Variants in CAMTA1 observed in about 807,000 individuals in gnomAD.
The protein encoded by CAMTA1 is calmodulin-binding transcription activator 1.
In CAMTA1, 27 loss-of-function variants were observed where a neutral mutation model predicts 170.9. The ratio of observed to expected loss-of-function variants is 0.16; its 90% confidence interval spans 0.12 to 0.22. The LOEUF (loss-of-function observed/expected upper bound fraction) is 0.22, where lower values mean the gene tolerates loss of function less well. Among genes scored for constraint, CAMTA1 ranks in the 10% least tolerant of loss-of-function variants. The pLI is 1.00. For synonymous variants in CAMTA1, 833 were observed against 891.5 expected (o/e 0.93, Z 1.17); for missense variants, 1,619 against 2,217.2 (o/e 0.73, Z 5.42).
intron 5 of CAMTA1, among the ~76,000 whole-genome samples, chr1:7,261,824 T>C (rs1558323658): frequency 1.3e-5 from 2 of 152,258 alleles, no homozygotes. Flanking sequence ...CGTTGTCTGA[T>C]AGCTTGAGTT....
Position 7,663,425 on chromosome 1 carries a change from G to A in CAMTA1, c.878G>A (p.Arg293Gln), listed in dbSNP as rs753954585. 7.3e-5 allele frequency: 115 copies of A among 1,566,632 alleles called. No individual in the cohort carries two copies. In the Admixed American group the frequency reaches 1.8e-3, roughly 24 times the overall value. ...ATCATCTCGCCCAAGGTGGAGCCAC[G>A]GACAGGGGGGTACGGGAGCCACTCG... ...HRIISPKVEP[R>Q]TGGYGSHSEV... The change falls in exon 9 of 23, where the codon CGG becomes CAG. Residue 293 changes from arginine to glutamine, a missense_variant. Physicochemically the swap from Arg to Gln is conservative, Grantham distance 43. This residue lies in a region of CAMTA1 where 731 missense variants were observed against 907.6 expected (regional missense o/e 0.81). Transcript: ENST00000303635.
At chr1:7,612,520 A>G (rs1184218576) in intron 6 of CAMTA1, among the ~76,000 whole-genome samples, 2 of 152,204 alleles carry the variant, frequency 1.3e-5, no homozygotes, top group Non-Finnish European at 2.9e-5. Context: ...GGGCGCAGAA[A>G]CAGGATTGCC....
In CAMTA1 at chr1:7,552,975, G is replaced by A. The variant is rs79984621; in HGVS notation, c.510+85074G>A. Among the ~76,000 whole-genome samples the A allele has an allele frequency of 3.5e-3, 533 of 152,306 alleles. 7 individuals carry two copies. The highest frequency in any genetic ancestry group is 0.012 in the African/African-American group (514 of 41,566). ...TGTGGCAAACCTTCCCCCAACAGCC[G>A]GTGAGGACAGAGGGACCTCTGGGAG... is the stretch of plus-strand genomic sequence containing the variant. On this transcript the variant is annotated intron_variant, in intron 6 of 22. Transcript: ENST00000303635.
intron 11 of CAMTA1, among the ~76,000 whole-genome samples, chr1:7,684,570 G>A (rs1490472860): frequency 2.0e-5 from 3 of 152,220 alleles, no homozygotes; most frequent in African/African-American, 7.2e-5. Flanking sequence ...TGTGGCAACA[G>A]AACCCCAGTC....
rs921094244 is a variant in CAMTA1 at position 7,562,689 on chromosome 1, C to T, written c.511-77711C>T. 3.9e-5 allele frequency among the ~76,000 whole-genome samples: 6 copies of T among 152,326 alleles called. No homozygotes were observed. Among genetic ancestry groups the T allele is most frequent in the South Asian group, 2.1e-4 (1 of 4,822 alleles). On this transcript the variant is annotated intron_variant, in intron 6 of 22. Coordinates refer to ENST00000303635, the MANE Select transcript of CAMTA1 (RefSeq NM_015215.4). This position sits in a 1 kb window ranked among gnomAD's most constrained non-coding sequence, Gnocchi z 4.8. ...ACTGCTCAGATGGTTTATCTGACCC[C>T]GCAGCTGGCACGGAGATGCTGGGAG...
rs972775911 is a variant in CAMTA1 at position 7,234,522 on chromosome 1, G to A, written c.303-14969G>A. On this transcript the variant is annotated intron_variant, in intron 4 of 22. Transcript: ENST00000303635. This position sits in a 1 kb window ranked among gnomAD's most constrained non-coding sequence, Gnocchi z 5.0. Reference sequence around the variant, plus strand: ...CAGGGCTGTGGCACCCTCAGCACCCGGCGTGAATGCTCAGCCGTGATAGCT... The same window carrying A: ...CAGGGCTGTGGCACCCTCAGCACCCAGCGTGAATGCTCAGCCGTGATAGCT... 1.3e-5 allele frequency among the ~76,000 whole-genome samples: 2 copies of A among 152,210 alleles called. No individual in the cohort carries two copies. Among genetic ancestry groups the A allele is most frequent in the East Asian group, 1.9e-4 (1 of 5,188 alleles).
intron 4 of CAMTA1, among the ~76,000 whole-genome samples, chr1:7,227,112 C>T (rs1472667623): frequency 3.3e-5 from 5 of 152,234 alleles, no homozygotes; most frequent in East Asian, 1.9e-4. Context: ...GGATTACAGG[C>T]GTGAGCCACC....
intron 3 of CAMTA1, among the ~76,000 whole-genome samples, chr1:6,948,243 G>A (rs961020109): frequency 3.3e-5 from 5 of 152,174 alleles, no homozygotes; most frequent in African/African-American, 1.2e-4. Context: ...TTGCTGCAAT[G>A]CCTTTCCCCC....
At position 7,216,473 on chromosome 1, in the gene CAMTA1, CT is replaced by C. The variant is rs35017381; in HGVS notation, c.303-33017del. ...AACACACTATTCTTAGTGTTTTCAT[CT>C]ATATTTCCTACAGTTTCTTTCTTTC... On this transcript the variant is annotated intron_variant, in intron 4 of 22. Coordinates refer to ENST00000303635, the MANE Select transcript of CAMTA1 (RefSeq NM_015215.4). The surrounding 1 kb of genome is among the most constrained non-coding windows in gnomAD (Gnocchi z 4.0). Among the ~76,000 whole-genome samples the C allele has an allele frequency of 0.48, 73,052 of 151,936 alleles. 19,152 individuals carry two copies. The highest frequency in any genetic ancestry group is 0.6 in the South Asian group (2,883 of 4,812).
chr1:6,944,297 A>G (rs1687213065), intron 3 of CAMTA1, among the ~76,000 whole-genome samples: 1 of 152,174 alleles, frequency 6.6e-6, no homozygotes, highest in African/African-American at 2.4e-5. Context: ...GTTATTGAGA[A>G]CTATGCCACT....
intron 3 of CAMTA1, among the ~76,000 whole-genome samples, chr1:6,906,952 G>A (rs971555736): frequency 6.6e-6 from 1 of 152,196 alleles, no homozygotes; most frequent in African/African-American, 2.4e-5. Flanking sequence ...GTAGAGGTGG[G>A]AGCTGTTGTC....
intron 1 of CAMTA1, among the ~76,000 whole-genome samples, chr1:6,787,476 A>G (rs936295402): frequency 2.0e-5 from 3 of 152,248 alleles, no homozygotes; most frequent in African/African-American, 4.8e-5. Context: ...TTACATATAC[A>G]TACATGTAGG....
intron 6 of CAMTA1, among the ~76,000 whole-genome samples, chr1:7,515,702 C>T (rs1001387595): frequency 6.6e-6 from 1 of 152,142 alleles, no homozygotes; most frequent in Admixed American, 6.5e-5. Context: ...CTCCCAAGTT[C>T]CCCTCCTTCG....
At chr1:7,321,038 T>C (rs1049376045) in intron 5 of CAMTA1, among the ~76,000 whole-genome samples, 1 of 152,296 alleles carries the variant, frequency 6.6e-6, no homozygotes. Context: ...GTAAGCCCCT[T>C]GGTGAAGGAA....
chr1:6,998,448 C>G (rs1697670529), intron 3 of CAMTA1, among the ~76,000 whole-genome samples: 2 of 152,204 alleles, frequency 1.3e-5, no homozygotes, highest in Non-Finnish European at 2.9e-5. Flanking sequence ...ATGCCACTCC[C>G]TCTGCGTCAC....
chr1:7,407,236 A>G (rs1236462622), intron 5 of CAMTA1, among the ~76,000 whole-genome samples: 2 of 152,226 alleles, frequency 1.3e-5, no homozygotes, highest in South Asian at 2.1e-4. Context: ...GGTTACTAAA[A>G]GAACTGACTT....
At chr1:7,497,484 C>T (rs57465386) in intron 6 of CAMTA1, among the ~76,000 whole-genome samples, 2,259 of 152,334 alleles carry the variant, frequency 0.015, 43 homozygotes, top group African/African-American at 0.051. Flanking sequence ...ACATCCCCAG[C>T]CCTGCATGCT....
At chr1:7,367,294 A>G (rs1162762326) in intron 5 of CAMTA1, among the ~76,000 whole-genome samples, 1 of 152,258 alleles carries the variant, frequency 6.6e-6, no homozygotes, top group Non-Finnish European at 1.5e-5. Flanking sequence ...AGCCCCAGGT[A>G]AAACGAAAGA....
At chr1:7,511,623 A>ATCTGGAGT (rs1477143654) in intron 6 of CAMTA1, among the ~76,000 whole-genome samples, 5 of 152,130 alleles carry the variant, frequency 3.3e-5, no homozygotes, top group Non-Finnish European at 7.3e-5. Flanking sequence ...GAAGGAAGCC[A>ATCTGGAGT]TCTGGAGTTC....
Sources: allele counts gnomAD v4.1 joint callset (sites outside exome capture counted in the v4.1 genomes callset), GRCh38; gene constraint gnomAD v4.1.1; regional missense constraint gnomAD v4.1.1; non-coding constraint Gnocchi (gnomAD v3.1); transcripts MANE v1.5; gene names NCBI Gene and HGNC (gene_info 2026-07-23, HGNC 2026-07-21).